NCKAP5L: variants seen among roughly 807,000 people sequenced by gnomAD.
NCKAP5L encodes the protein NCK associated protein 5 like, also known as nck-associated protein 5-like.
Under a neutral mutation model 103.2 loss-of-function variants are expected in NCKAP5L, and 54 were observed. The observed-to-expected ratio is 0.52, with a 90% CI of 0.42 to 0.66. NCKAP5L has a LOEUF of 0.66. NCKAP5L is among the 30% of genes least tolerant of loss of function. NCKAP5L has a pLI of 0.00. For missense variants in NCKAP5L, 1,733 were observed against 1,750.6 expected (o/e 0.99, Z 0.18); for synonymous variants, 762 against 748.6 (o/e 1.02, Z -0.29).
Position 49,797,076 on chromosome 12 carries a change from C to A in NCKAP5L, c.784G>T (p.Gly262Trp), listed in dbSNP as rs1054302211. ...GTGTCCTCTTCCCCTCCCAGACCCC[C>A]CAAGAGGCGCTCCCAGTGCAGCAGG... ...GGLLHWERLL[G>W]GLGGEEDTGR... Residue 262 changes from glycine to tryptophan, a missense_variant, in exon 8 of 13, where the codon GGG becomes TGG. By Grantham distance (184) the Gly-to-Trp change is radical. Transcript: ENST00000335999. This position sits in a 1 kb window ranked among gnomAD's most constrained non-coding sequence, Gnocchi z 4.5. 8 of 1,579,296 alleles carry A rather than the reference C, an allele frequency of 5.1e-6. No individual in the cohort carries two copies. The African/African-American group carries it at 9.4e-5, about 19-fold the overall frequency.
intron 8 of NCKAP5L, among the ~76,000 whole-genome samples, chr12:49,794,324 C>G (rs534415230): frequency 6.6e-5 from 10 of 152,338 alleles, no homozygotes; most frequent in Admixed American, 5.9e-4. Flanking sequence ...CTGGCCCAGA[C>G]AGAGCAACCC....
Position 49,803,886 on chromosome 12 carries a change from C to T in NCKAP5L, c.123+36G>A, listed in dbSNP as rs752890837. On this transcript the variant is annotated intron_variant, in intron 3 of 12. Coordinates refer to ENST00000335999, the MANE Select transcript of NCKAP5L (RefSeq NM_001037806.4). ...CAGCCCTGCCTCCCCAGGGCTCTGG[C>T]TGGCACTGCTGCCCCTACCACGCCC... 1.6e-5 allele frequency: 26 copies of T among 1,595,160 alleles called. No individual in the cohort carries two copies. In the Admixed American group the frequency reaches 4.4e-4, roughly 27 times the overall value.
intron 3 of NCKAP5L, 40 bp downstream of exon 3, chr12:49,803,882 C>G (rs1326672164): frequency 1.3e-6 from 2 of 1,590,436 alleles, no homozygotes; most frequent in Non-Finnish European, 1.7e-6. Context: ...CCCCAGGGCT[C>G]TGGCTGGCAC....
intron 1 of NCKAP5L, among the ~76,000 whole-genome samples, chr12:49,827,228 C>G (rs1272680001): frequency 2.0e-5 from 3 of 152,080 alleles, no homozygotes; most frequent in Non-Finnish European, 2.9e-5. Flanking sequence ...CCTGCCCGGG[C>G]CACTTCCTCT....
intron 1 of NCKAP5L, among the ~76,000 whole-genome samples, chr12:49,823,662 T>C (rs1946385093): frequency 6.7e-6 from 1 of 148,740 alleles, no homozygotes; most frequent in Non-Finnish European, 1.5e-5. Context: ...AAAAAAAGCA[T>C]AGTGGATATT....
chr12:49,795,947 G>A lies in NCKAP5L; in HGVS notation c.1913C>T (p.Pro638Leu). Residue 638 changes from proline (P) to leucine (L), a missense_variant, in exon 8 of 13, where the codon CCA becomes CTA. Transcript: ENST00000335999. The part of the protein sequence containing the change: ...SESPHPGRRT[P>L]GNSSKKPSQG... The stretch of plus-strand genomic sequence containing the variant: ...GCTGGGCTTCTTGGATGAGTTGCCT[G>A]GGGTCCTGCGGCCGGGATGGGGAGA... 6.5e-7 allele frequency: 1 copy of A among 1,529,734 alleles called. No individual in the cohort carries two copies. Among genetic ancestry groups the A allele is most frequent in the South Asian group, 1.3e-5 (1 of 75,282 alleles). 94.8% of individuals were successfully genotyped at this position (1,529,734 alleles called of 1,614,324 possible).
In NCKAP5L at chr12:49,791,810, C is replaced by A. The variant is rs1945938640; in HGVS notation, c.*29G>T. The A allele has an allele frequency of 6.5e-7, 1 of 1,529,244 alleles. No individual in the cohort carries two copies. 94.7% of individuals were successfully genotyped at this position (1,529,244 alleles called of 1,614,324 possible). On this transcript the variant is annotated 3_prime_UTR_variant, in exon 13 of 13. Transcript: ENST00000335999. ...CCGGTCCAGTCTGTGGTCCCCAGCT[C>A]CAGCGGGGCCGTGGCGTGGCGCAGC...
At chr12:49,816,754 G>A (rs1005578139) in intron 1 of NCKAP5L, among the ~76,000 whole-genome samples, 3 of 150,410 alleles carry the variant, frequency 2.0e-5, no homozygotes, top group African/African-American at 7.4e-5. Flanking sequence ...CTGAAATCGC[G>A]CCACTGTACT....
intron 2 of NCKAP5L, 177 bp from the exon 3 acceptor site, chr12:49,804,257 T>G (rs1399138078): frequency 8.3e-6 from 4 of 480,550 alleles, no homozygotes; most frequent in African/African-American, 2.0e-5. Context: ...CTCCTCATCT[T>G]AAGAACAGAG....
chr12:49,794,336 A>G (rs1280536434), intron 8 of NCKAP5L, among the ~76,000 whole-genome samples: 1 of 152,168 alleles, frequency 6.6e-6, no homozygotes, highest in Admixed American at 6.5e-5. Flanking sequence ...GAGCAACCCC[A>G]AGATGGGTGG....
chr12:49,818,431 C>T (rs1299552102), intron 1 of NCKAP5L, among the ~76,000 whole-genome samples: 10 of 152,240 alleles, frequency 6.6e-5, no homozygotes, highest in South Asian at 4.2e-4. Context: ...AATCATGGCT[C>T]ACTGCAACCT....
chr12:49,825,258 G>A (rs1447257228), intron 1 of NCKAP5L, among the ~76,000 whole-genome samples: 1 of 152,206 alleles, frequency 6.6e-6, no homozygotes, highest in African/African-American at 2.4e-5. Flanking sequence ...CAAACTCCAA[G>A]TATAGAAAAT....
chr12:49,821,723 C>A (rs1357414483), intron 1 of NCKAP5L, among the ~76,000 whole-genome samples: 1 of 152,208 alleles, frequency 6.6e-6, no homozygotes, highest in Non-Finnish European at 1.5e-5. Flanking sequence ...CTTTTTTGAT[C>A]ACCACTGTAT....
chr12:49,808,194 A>C (rs1592755570), intron 1 of NCKAP5L, among the ~76,000 whole-genome samples: 1 of 152,190 alleles, frequency 6.6e-6, no homozygotes, highest in Non-Finnish European at 1.5e-5. Flanking sequence ...TGTGAATCCC[A>C]GGCCAGGAGG....
chr12:49,792,234 C>A lies in NCKAP5L; in HGVS notation c.3793-183G>T. Reference sequence around the variant, plus strand: ...CAACTGAGAACAGTCCTACAAGGTTCTGGGGAGGGACAGAAACCTTTCCCC... The same window carrying A: ...CAACTGAGAACAGTCCTACAAGGTTATGGGGAGGGACAGAAACCTTTCCCC... On this transcript the variant is annotated intron_variant, in intron 12 of 12. Coordinates refer to ENST00000335999, the MANE Select transcript of NCKAP5L (RefSeq NM_001037806.4). This position sits in a 1 kb window ranked among gnomAD's most constrained non-coding sequence, Gnocchi z 4.5. The A allele has an allele frequency of 8.8e-7, 1 of 1,132,964 alleles. No individual in the cohort carries two copies. The allele number at this position is 1,132,964 out of a possible 1,614,324, so 70.2% of individuals were successfully genotyped here.
intron 8 of NCKAP5L, among the ~76,000 whole-genome samples, chr12:49,794,156 GAC>G (rs1331273876): frequency 1.3e-5 from 2 of 152,208 alleles, no homozygotes; most frequent in African/African-American, 4.8e-5. Flanking sequence ...CAAGCCTAGA[GAC>G]TGCTTGATGG....
chr12:49,796,707 T>C lies in NCKAP5L; in HGVS notation c.1153A>G (p.Thr385Ala). The C allele has an allele frequency of 6.2e-7, 1 of 1,600,930 alleles. No homozygotes were observed. Among genetic ancestry groups the C allele is most frequent in the East Asian group, 2.2e-5 (1 of 44,684 alleles). The change falls in exon 8 of 13, where the codon ACC (threonine) becomes GCC (alanine). Residue 385 changes from threonine (T) to alanine (A), a missense_variant. By Grantham distance (58) the Thr-to-Ala change is moderately conservative (BLOSUM62 0). Coordinates refer to ENST00000335999, the MANE Select transcript of NCKAP5L (RefSeq NM_001037806.4). ...GLPKSAWGGGTPEAHRPGFGA... is the reference protein window; with the variant it reads ...GLPKSAWGGGAPEAHRPGFGA... ...AAGCCTGGCCTGTGGGCCTCTGGGG[T>C]ACCCCCACCCCAAGCTGACTTGGGG... is the stretch of plus-strand genomic sequence containing the variant.
At chr12:49,808,432 G>C (rs1420286212) in intron 1 of NCKAP5L, among the ~76,000 whole-genome samples, 2 of 152,230 alleles carry the variant, frequency 1.3e-5, no homozygotes, top group African/African-American at 4.8e-5. Context: ...CTGTCACGGG[G>C]AAGAGACCTG....
In NCKAP5L at chr12:49,792,910, G is replaced by C; in HGVS notation, c.3417C>G (p.Thr1139=). The change falls in exon 11 of 13, where the codon ACC becomes ACG. Residue 1139 remains threonine, a synonymous_variant. Coordinates refer to ENST00000335999, the MANE Select transcript of NCKAP5L (RefSeq NM_001037806.4). The surrounding 1 kb of genome is among the most constrained non-coding windows in gnomAD (Gnocchi z 4.5). The part of the protein sequence containing the change: ...FPPPDHGSSG[T]PSKNLPKTKP... ...TGGTCTTAGGAAGATTCTTGCTGGGGGTCCCACTGCTACCATGGTCTGGGG... is the reference window on the plus strand; with the variant it reads ...TGGTCTTAGGAAGATTCTTGCTGGGCGTCCCACTGCTACCATGGTCTGGGG... 1.3e-6 allele frequency: 2 copies of C among 1,547,724 alleles called. No homozygotes were observed. The highest frequency in any genetic ancestry group is 1.7e-6 in the Non-Finnish European group (2 of 1,153,820).
Sources: gnomAD v4.1 joint callset for allele counts (sites outside exome capture counted in the v4.1 genomes callset) on GRCh38, gnomAD v4.1.1 for gene constraint, Gnocchi (gnomAD v3.1) non-coding constraint, MANE v1.5 for transcripts, NCBI Gene and HGNC (gene_info 2026-07-23, HGNC 2026-07-21) for gene names.